Variants in LRRC2 observed in about 807,000 individuals in gnomAD.
LRRC2 encodes the protein leucine rich repeat containing 2, also known as leucine-rich repeat-containing protein 2.
LRRC2 carries 27 observed loss-of-function variants against 40.2 expected under a neutral mutation model. The ratio of observed to expected loss-of-function variants is 0.67; its 90% CI spans 0.49 to 0.93. The LOEUF is 0.93. Among genes scored for constraint, LRRC2 ranks in the 40% least tolerant of loss-of-function variants. The pLI is 0.00. For synonymous variants in LRRC2, 147 were observed against 158.9 expected, an observed-to-expected ratio of 0.92 and a Z score of 0.56; for missense variants, 402 against 439.6, an observed-to-expected ratio of 0.91 and a Z score of 0.76.
At chr3:46,520,664 T>C (rs1464572816) in intron 8 of LRRC2, among the ~76,000 whole-genome samples, 4 of 152,092 alleles carry the variant, frequency 2.6e-5, no homozygotes, top group African/African-American at 9.7e-5. Context: ...TTTCTGAGGG[T>C]GGCTGAGGGA....
At chr3:46,544,109 G>A (rs908095111) in intron 3 of LRRC2, among the ~76,000 whole-genome samples, 2 of 105,682 alleles carry the variant, frequency 1.9e-5, no homozygotes, top group African/African-American at 2.7e-5. Flanking sequence ...CCCAGGTCAC[G>A]CAAAATATTT....
Position 46,550,375 on chromosome 3 carries a change from A to T in LRRC2, c.125+1092T>A, listed in dbSNP as rs55702201. 7.6e-4 allele frequency among the ~76,000 whole-genome samples: 98 copies of T among 129,602 alleles called. 1 individual carries two copies. Among genetic ancestry groups the T allele is most frequent in the South Asian group, 2.2e-3 (9 of 4,166 alleles). 85.0% of individuals were successfully genotyped at this position (129,602 alleles called of 152,430 possible). A position where few individuals can be genotyped will look rare whatever the true frequency, so the allele number is the denominator to read the frequency against. ...ATGTAGACACATTCACACCTTACAC[A>T]TCTTTTTTTTTTTTTTTTTTTTTTT... On this transcript the variant is annotated intron_variant, in intron 2 of 8. Transcript: ENST00000395905.
chr3:46,529,363 G>T (rs986265396), intron 6 of LRRC2, among the ~76,000 whole-genome samples: 1 of 152,102 alleles, frequency 6.6e-6, no homozygotes, highest in Non-Finnish European at 1.5e-5. Flanking sequence ...GATTGCTTGT[G>T]CCCAGGAGTT....
intron 4 of LRRC2, among the ~76,000 whole-genome samples, chr3:46,537,300 A>T (rs1332799985): frequency 6.6e-6 from 1 of 152,062 alleles, no homozygotes; most frequent in African/African-American, 2.4e-5. Context: ...GGGTTTTGCC[A>T]TGTTGCCCGG....
At chr3:46,551,770 T>TG (rs1704660658) in intron 1 of LRRC2, among the ~76,000 whole-genome samples, 160 bp from the exon 2 acceptor site, 1 of 140,316 alleles carries the variant, frequency 7.1e-6, no homozygotes, top group South Asian at 2.2e-4. Flanking sequence ...TTTTTTTTTT[T>TG]TTTTAGCTTG....
intron 1 of LRRC2, among the ~76,000 whole-genome samples, chr3:46,560,638 A>C (rs753999907): frequency 2.0e-5 from 3 of 152,228 alleles, no homozygotes; most frequent in Non-Finnish European, 4.4e-5. Context: ...GTTGAATTTG[A>C]CAGCAAAGTG....
At chr3:46,549,937 G>T (rs1704607517) in intron 2 of LRRC2, among the ~76,000 whole-genome samples, 1 of 152,262 alleles carries the variant, frequency 6.6e-6, no homozygotes, top group Non-Finnish European at 1.5e-5. Context: ...TTATGTGAGT[G>T]TAGGTCTCTT....
chr3:46,522,087 G>A (rs934161457), intron 7 of LRRC2, among the ~76,000 whole-genome samples: 11 of 152,108 alleles, frequency 7.2e-5, no homozygotes, highest in African/African-American at 2.4e-4. Context: ...TTAAAAGATA[G>A]GACATGGCTG....
intron 3 of LRRC2, 24 bp from the exon 4 acceptor site, chr3:46,539,225 A>G (rs779577915): frequency 8.1e-6 from 13 of 1,610,838 alleles, no homozygotes; most frequent in East Asian, 6.7e-5. Context: ...AATGACATCA[A>G]TCAGAACTAG....
chr3:46,539,567 G>A lies in LRRC2; in HGVS notation c.334-366C>T, dbSNP rs17078947. Among the ~76,000 whole-genome samples, 600 of 152,252 alleles carry A rather than the reference G, an allele frequency of 3.9e-3. 5 individuals are homozygous for A. The highest frequency in any genetic ancestry group is 0.014 in the African/African-American group (562 of 41,540). On this transcript the variant is annotated intron_variant, in intron 3 of 8. Transcript: ENST00000395905. The stretch of plus-strand genomic sequence containing the variant: ...CATTCGATTTCAAAATTTGTGCTTC[G>A]TTTCCCTTTGTCTGTAGTTGCTTTT...
In LRRC2 at chr3:46,527,488, G is replaced by T. The variant is rs746824638; in HGVS notation, c.867C>A (p.Val289=). 6.2e-7 allele frequency: 1 copy of T among 1,613,940 alleles called. No homozygotes were observed. The highest frequency in any genetic ancestry group is 8.5e-7 in the Non-Finnish European group (1 of 1,179,880). ...MLNLKKLTLL[V]VSGDHLVELP... is the part of the protein sequence containing the mutation. ...GCTCCACCAAATGGTCCCCACTGAC[G>T]ACTAACAGAGTGAGCTTCTTCAGGT... Residue 289 remains valine, a synonymous_variant, in exon 7 of 9, where the codon GTC becomes GTA. Transcript: ENST00000395905.
At chr3:46,552,497 A>G (rs1488167151) in intron 1 of LRRC2, among the ~76,000 whole-genome samples, 1 of 152,128 alleles carries the variant, frequency 6.6e-6, no homozygotes, top group African/African-American at 2.4e-5. Flanking sequence ...CTTTAAGTAT[A>G]GGACATGAGG....
intron 1 of LRRC2, among the ~76,000 whole-genome samples, chr3:46,554,216 C>T (rs1272133153): frequency 1.6e-5 from 2 of 124,910 alleles, no homozygotes; most frequent in Non-Finnish European, 3.4e-5. Flanking sequence ...GATGGTGGTC[C>T]CACTATGTTG....
chr3:46,519,996 A>C (rs539843194), intron 8 of LRRC2, among the ~76,000 whole-genome samples: 1 of 152,056 alleles, frequency 6.6e-6, no homozygotes. Flanking sequence ...AATCTAATAC[A>C]TATGAATATA....
intron 7 of LRRC2, among the ~76,000 whole-genome samples, chr3:46,522,541 A>G (rs1703982113): frequency 1.3e-5 from 2 of 151,742 alleles, no homozygotes; most frequent in African/African-American, 4.8e-5. Flanking sequence ...GAGAGACTCC[A>G]TCTCTACAAG....
intron 8 of LRRC2, among the ~76,000 whole-genome samples, chr3:46,520,756 C>T (rs1482903730): frequency 6.6e-6 from 1 of 152,216 alleles, no homozygotes; most frequent in African/African-American, 2.4e-5. Flanking sequence ...AACTCTCTTC[C>T]TGCCAGGTCT....
At chr3:46,552,960 G>A (rs976698382) in intron 1 of LRRC2, among the ~76,000 whole-genome samples, 3 of 152,220 alleles carry the variant, frequency 2.0e-5, no homozygotes, top group African/African-American at 7.2e-5. Context: ...AATGAAACAT[G>A]AGAGGCCCAC....
chr3:46,539,430 T>A (rs1407566294), intron 3 of LRRC2, among the ~76,000 whole-genome samples: 1 of 152,172 alleles, frequency 6.6e-6, no homozygotes, highest in African/African-American at 2.4e-5. Context: ...ATTCATGATG[T>A]TATTAAAATT....
chr3:46,555,752 C>T (rs1423644645), intron 1 of LRRC2, among the ~76,000 whole-genome samples: 4 of 152,164 alleles, frequency 2.6e-5, no homozygotes, highest in Middle Eastern at 3.2e-3. Flanking sequence ...GAGGAGAAAA[C>T]TGGTCCATTA....
Sources: allele counts gnomAD v4.1 joint callset (sites outside exome capture counted in the v4.1 genomes callset), GRCh38; gene constraint gnomAD v4.1.1; transcripts MANE v1.5; gene names NCBI Gene and HGNC (gene_info 2026-07-23, HGNC 2026-07-21).